Variants in ZNF415 observed in about 807,000 individuals in gnomAD.
ZNF415 encodes zinc finger protein 415.
A neutral mutation model predicts 7.3 loss-of-function variants in ZNF415; 5 were observed. The ratio of observed to expected loss-of-function variants is 0.69; its 90% CI spans 0.36 to 1.44. The LOEUF is 1.44. ZNF415 is among the 40% of genes most tolerant of loss of function. ZNF415 has a pLI of 0.04. For synonymous variants in ZNF415, 207 were observed against 226.3 expected (o/e 0.91, Z 0.77); for missense variants, 628 against 664.8 (o/e 0.94, Z 0.61).
intron 3 of ZNF415, among the ~76,000 whole-genome samples, chr19:53,112,163 C>T (rs1473488115): frequency 6.6e-6 from 1 of 152,104 alleles, no homozygotes; most frequent in Non-Finnish European, 1.5e-5. Flanking sequence ...AGGCTGGTTT[C>T]GAACTCCTGA....
At chr19:53,125,137 G>A (rs963364481) in intron 1 of ZNF415, among the ~76,000 whole-genome samples, 2 of 151,854 alleles carry the variant, frequency 1.3e-5, no homozygotes, top group Admixed American at 6.6e-5. Flanking sequence ...TCCGCCTCCC[G>A]GGTTCAAGTG....
chr19:53,116,609 C>CTTTTTTTTTTTTTTTTTTTTTT (rs1410295819), intron 2 of ZNF415, among the ~76,000 whole-genome samples, 176 bp from the exon 3 acceptor site: 1 of 81,118 alleles, frequency 1.2e-5, no homozygotes, highest in African/African-American at 5.0e-5. Context: ...GGTTTTTTTT[C>CTTTTTTTTTTTTTTTTTTTTTT]TCTCTTTTTT....
intron 2 of ZNF415, among the ~76,000 whole-genome samples, chr19:53,119,160 T>C (rs993503132): frequency 6.6e-6 from 1 of 151,888 alleles, no homozygotes; most frequent in African/African-American, 2.4e-5. Context: ...TGGGCGCCTG[T>C]AGTCCCAGCT....
chr19:53,122,384 T>C (rs780507669), intron 2 of ZNF415: 2 of 1,536,026 alleles, frequency 1.3e-6, no homozygotes, highest in South Asian at 1.2e-5. Flanking sequence ...CCAACAGCAC[T>C]GACACCACGG....
At chr19:53,129,343 C>T (rs1327760376) in intron 1 of ZNF415, among the ~76,000 whole-genome samples, 1 of 152,116 alleles carries the variant, frequency 6.6e-6, no homozygotes, top group Non-Finnish European at 1.5e-5. Context: ...TGGAGGGTTC[C>T]CTGCCAGGGA....
chr19:53,128,188 A>T (rs2089517155), intron 1 of ZNF415, among the ~76,000 whole-genome samples: 1 of 152,146 alleles, frequency 6.6e-6, no homozygotes, highest in Middle Eastern at 3.4e-3. Context: ...GAAAGGCAAA[A>T]GGGCCTCTGG....
intron 2 of ZNF415, among the ~76,000 whole-genome samples, chr19:53,122,113 G>A (rs1174091708): frequency 6.6e-6 from 1 of 151,880 alleles, no homozygotes; most frequent in Non-Finnish European, 1.5e-5. Flanking sequence ...GGTTGTGGTG[G>A]TGCATGCCTG....
chr19:53,116,514 G>T (rs1601115538), intron 2 of ZNF415, 81 bp from the exon 3 acceptor site: 2 of 1,565,866 alleles, frequency 1.3e-6, no homozygotes, highest in East Asian at 2.2e-5. Context: ...GAATAAAAGA[G>T]AATTTAAGTA....
At chr19:53,115,181 C>T (rs1406033926) in intron 3 of ZNF415, 1 of 157,636 alleles carries the variant, frequency 6.3e-6, no homozygotes. Flanking sequence ...ACTAAAAATA[C>T]AAAATTAGCC....
chr19:53,128,060 C>T (rs555797085), intron 1 of ZNF415, among the ~76,000 whole-genome samples: 2 of 152,186 alleles, frequency 1.3e-5, no homozygotes, highest in African/African-American at 2.4e-5. Context: ...ACATCATTCA[C>T]CCGGCTCATC....
chr19:53,129,822 C>T (rs1286919395), intron 1 of ZNF415: 15 of 381,330 alleles, frequency 3.9e-5, no homozygotes, highest in Admixed American at 1.8e-4. Flanking sequence ...CCCAGCACTT[C>T]GAGGCTGAAG....
intron 1 of ZNF415, among the ~76,000 whole-genome samples, chr19:53,132,458 T>C (rs920794391): frequency 1.3e-5 from 2 of 151,518 alleles, no homozygotes; most frequent in African/African-American, 4.9e-5. Flanking sequence ...CAGACAGGGG[T>C]GGGGTCTGCA....
At chr19:53,123,968 T>C (rs1025509747) in intron 1 of ZNF415, 3 of 158,278 alleles carry the variant, frequency 1.9e-5, no homozygotes, top group Non-Finnish European at 4.1e-5. Flanking sequence ...CTAGGCGCAG[T>C]GGCTCACACC....
In ZNF415 at chr19:53,126,603, C is replaced by T. The variant is rs879565370; in HGVS notation, c.-67-3860G>A. On this transcript the variant is annotated intron_variant, in intron 1 of 3. Transcript: ENST00000243643. ...AGGAGAGACACAAGCAGACCAACCC[C>T]TCCTCTCCCTCAATCACCCGCCTAG... is the stretch of plus-strand genomic sequence containing the variant. Among the ~76,000 whole-genome samples, 2 of 130,516 alleles carry T rather than the reference C, an allele frequency of 1.5e-5. 1 individual carries two copies. Among genetic ancestry groups the T allele is most frequent in the Non-Finnish European group, 3.5e-5 (2 of 56,628 alleles). 85.6% of individuals were successfully genotyped at this position (130,516 alleles called of 152,430 possible). A position where few individuals can be genotyped will look rare whatever the true frequency, so the allele number is the denominator to read the frequency against.
chr19:53,131,279 G>A (rs1038704011), intron 1 of ZNF415, among the ~76,000 whole-genome samples: 14 of 151,702 alleles, frequency 9.2e-5, no homozygotes, highest in Admixed American at 6.6e-4. Flanking sequence ...CTGCCCCAAC[G>A]CCAGGGAAGG....
chr19:53,124,409 A>AGG (rs1174012921), intron 1 of ZNF415: 1 of 152,088 alleles, frequency 6.6e-6, no homozygotes, highest in Non-Finnish European at 1.5e-5. Context: ...AGAGAGAGAG[A>AGG]GAGAGGTCAG....
At chr19:53,129,683 TG>T (rs1257185594) in intron 1 of ZNF415, 10 of 398,478 alleles carry the variant, frequency 2.5e-5, no homozygotes. Flanking sequence ...CTGAGTTGAG[TG>T]AGAAGGAGGA....
intron 2 of ZNF415, among the ~76,000 whole-genome samples, chr19:53,121,967 C>T (rs1382540101): frequency 1.3e-5 from 2 of 151,980 alleles, no homozygotes; most frequent in Admixed American, 6.6e-5. Flanking sequence ...TGACTTTAGG[C>T]CAGGCACGGT....
chr19:53,109,926 C>G lies in ZNF415; in HGVS notation c.137-18G>C, dbSNP rs369230536. 2.0e-6 allele frequency: 3 copies of G among 1,528,304 alleles called. No individual in the cohort carries two copies. Among genetic ancestry groups the G allele is most frequent in the Non-Finnish European group, 2.6e-6 (3 of 1,142,552 alleles). 94.7% of individuals were successfully genotyped at this position (1,528,304 alleles called of 1,614,324 possible). A position where few individuals can be genotyped will look rare whatever the true frequency, so the allele number is the denominator to read the frequency against. The stretch of plus-strand genomic sequence containing the variant: ...AGACAGATCTATAAGAAATGAAAAC[C>G]ATAGGTTTCCAATTAATTAGAGACA... On this transcript the variant is annotated intron_variant, in intron 3 of 3. Coordinates refer to ENST00000243643, the MANE Select transcript of ZNF415 (RefSeq NM_018355.4).
Sources: allele counts gnomAD v4.1 joint callset (sites outside exome capture counted in the v4.1 genomes callset), GRCh38; gene constraint gnomAD v4.1.1; transcripts MANE v1.5; gene names NCBI Gene and HGNC (gene_info 2026-07-23, HGNC 2026-07-21).